Variants in PRKCB observed in about 807,000 individuals in gnomAD.
PRKCB encodes the protein protein kinase C beta.
In PRKCB, 13 loss-of-function variants were observed where a neutral mutation model predicts 81.5. That is an observed-to-expected ratio of 0.16 (90% CI 0.10 to 0.25). The LOEUF (loss-of-function observed/expected upper bound fraction) is 0.25, where lower values mean the gene tolerates loss of function less well. PRKCB is among the 10% of genes least tolerant of loss of function. The pLI is 1.00. For synonymous variants in PRKCB, 335 were observed against 321.4 expected (o/e 1.04, Z -0.45); for missense variants, 509 against 875.7 (o/e 0.58, Z 5.29).
At chr16:24,160,902 C>A (rs777168620) in intron 10 of PRKCB, among the ~76,000 whole-genome samples, 1 of 152,072 alleles carries the variant, frequency 6.6e-6, no homozygotes, top group African/African-American at 2.4e-5. Flanking sequence ...TGAATGCCCG[C>A]GGCATGAGCA....
Position 24,097,636 on chromosome 16 carries a change from G to A in PRKCB, c.821+3339G>A, listed in dbSNP as rs115960840. Among the ~76,000 whole-genome samples, 1,061 of 152,282 alleles carry A rather than the reference G, an allele frequency of 7.0e-3. 13 individuals carry two copies. Among genetic ancestry groups the A allele is most frequent in the African/African-American group, 0.024 (993 of 41,548 alleles). The stretch of plus-strand genomic sequence containing the variant: ...ATGTGCCAGTGACACAGACTCAGGA[G>A]ATCCTGATGACATGGGCCCAAGGTG... On this transcript the variant is annotated intron_variant, in intron 7 of 16. Transcript: ENST00000643927.
intron 2 of PRKCB, among the ~76,000 whole-genome samples, chr16:23,935,882 G>T (rs1009277092): frequency 1.3e-5 from 2 of 152,140 alleles, no homozygotes; most frequent in African/African-American, 4.8e-5. Flanking sequence ...AAGTTAGAGG[G>T]AGGGGTGGGT....
chr16:23,946,622 T>A (rs773948436), intron 2 of PRKCB, among the ~76,000 whole-genome samples: 2,676 of 152,318 alleles, frequency 0.018, 81 homozygotes, highest in African/African-American at 0.059. Context: ...TGCTGATTCT[T>A]AGCAGGCTAA....
intron 5 of PRKCB, among the ~76,000 whole-genome samples, chr16:24,061,765 G>T (rs1392252293): frequency 6.6e-6 from 1 of 151,824 alleles, no homozygotes; most frequent in African/African-American, 2.4e-5. Context: ...TAACTTCCCG[G>T]GAGGGAAAAC....
chr16:23,845,735 G>C (rs937316763), intron 2 of PRKCB, among the ~76,000 whole-genome samples: 2 of 152,224 alleles, frequency 1.3e-5, no homozygotes, highest in Non-Finnish European at 2.9e-5. Context: ...GGTAGAACTA[G>C]CCTGTTACCT....
At chr16:23,935,393 T>TG (rs1036127905) in intron 2 of PRKCB, among the ~76,000 whole-genome samples, 11 of 152,198 alleles carry the variant, frequency 7.2e-5, no homozygotes, top group African/African-American at 2.7e-4. Flanking sequence ...TTTTCCAGTA[T>TG]GGACAAAGTA....
intron 2 of PRKCB, among the ~76,000 whole-genome samples, chr16:23,908,765 G>A (rs1323011893): frequency 6.6e-6 from 1 of 151,930 alleles, no homozygotes; most frequent in Non-Finnish European, 1.5e-5. Flanking sequence ...TGATCCAGCC[G>A]CCTCAGCCTC....
intron 2 of PRKCB, among the ~76,000 whole-genome samples, chr16:23,940,545 AG>A: frequency 6.6e-6 from 1 of 152,130 alleles, no homozygotes; most frequent in African/African-American, 2.4e-5. Flanking sequence ...TCTAAGAGTT[AG>A]TCCTGGAAAA....
chr16:24,197,417 G>T (rs1252003721), intron 16 of PRKCB, among the ~76,000 whole-genome samples: 2 of 152,126 alleles, frequency 1.3e-5, no homozygotes, highest in Non-Finnish European at 2.9e-5. Flanking sequence ...CAGATGCAAA[G>T]GCCCTGAGGC....
chr16:24,053,257 C>A (rs1221363616), intron 5 of PRKCB, among the ~76,000 whole-genome samples: 3 of 152,230 alleles, frequency 2.0e-5, no homozygotes, highest in African/African-American at 7.2e-5. Flanking sequence ...AGAGAACAAG[C>A]CAAAGTCCTG....
chr16:24,182,903 T>TGTGTG (rs1311568875), intron 13 of PRKCB, among the ~76,000 whole-genome samples: 4 of 35,164 alleles, frequency 1.1e-4, no homozygotes, highest in East Asian at 6.9e-4. Flanking sequence ...GTGTGTGTGT[T>TGTGTG]TGAGACAGGG....
At chr16:24,047,443 A>G (rs764574749) in intron 5 of PRKCB, among the ~76,000 whole-genome samples, 5 of 152,028 alleles carry the variant, frequency 3.3e-5, no homozygotes, top group Non-Finnish European at 7.4e-5. Flanking sequence ...AGGCGGGAAG[A>G]TGACTTGAGC....
intron 5 of PRKCB, among the ~76,000 whole-genome samples, chr16:24,081,839 C>T (rs923955584): frequency 6.6e-5 from 10 of 151,646 alleles, no homozygotes; most frequent in Non-Finnish European, 1.5e-4. Flanking sequence ...CCACTGCACT[C>T]CAGCCTGGGT....
chr16:24,101,338 G>A (rs906331885), intron 7 of PRKCB, among the ~76,000 whole-genome samples: 9 of 152,090 alleles, frequency 5.9e-5, no homozygotes, highest in Admixed American at 1.3e-4. Context: ...GCTTCAGTTC[G>A]GGAGTTAGAG....
chr16:23,850,369 A>AT (rs112763732), intron 2 of PRKCB, among the ~76,000 whole-genome samples: 83,674 of 151,290 alleles, frequency 0.55, 23,162 homozygotes, highest in East Asian at 0.61. Flanking sequence ...ATTTAATTTA[A>AT]TTTTTTTTAA....
chr16:24,105,063 T>TA (rs1400239422), intron 7 of PRKCB, among the ~76,000 whole-genome samples: 1 of 151,784 alleles, frequency 6.6e-6, no homozygotes, highest in Admixed American at 6.6e-5. Context: ...GGATTTTTTT[T>TA]TTTTTATTTT....
chr16:23,837,341 G>A (rs746668304), intron 1 of PRKCB, 34 bp from the exon 2 acceptor site: 2 of 1,613,120 alleles, frequency 1.2e-6, no homozygotes, highest in South Asian at 1.1e-5. Flanking sequence ...GGCCCCCCGG[G>A]CTGCCTGACA....
chr16:24,053,846 G>C lies in PRKCB; in HGVS notation c.529+18299G>C, dbSNP rs576337667. On this transcript the variant is annotated intron_variant, in intron 5 of 16. Transcript: ENST00000643927. ...CAAGTCAAGGGAAGGGAGCAGGAGAGGAAAGCGGAGGAAACAGAGAGGCAG... is the reference window on the plus strand; with the variant it reads ...CAAGTCAAGGGAAGGGAGCAGGAGACGAAAGCGGAGGAAACAGAGAGGCAG... 4.0e-4 allele frequency among the ~76,000 whole-genome samples: 61 copies of C among 152,196 alleles called. 1 individual carries two copies. The highest frequency in any genetic ancestry group is 7.5e-4 in the Non-Finnish European group (51 of 68,044).
At chr16:23,935,882 GA>G (rs1964051324) in intron 2 of PRKCB, among the ~76,000 whole-genome samples, 1 of 152,140 alleles carries the variant, frequency 6.6e-6, no homozygotes, top group African/African-American at 2.4e-5. Flanking sequence ...AAGTTAGAGG[GA>G]GGGGTGGGTT....
Sources: allele counts gnomAD v4.1 joint callset (sites outside exome capture counted in the v4.1 genomes callset), GRCh38; gene constraint gnomAD v4.1.1; transcripts MANE v1.5; gene names NCBI Gene and HGNC (gene_info 2026-07-23, HGNC 2026-07-21).